Variants in GLIS3 observed in about 807,000 individuals in gnomAD.
GLIS3 encodes GLIS family zinc finger 3.
In GLIS3, 53 loss-of-function variants were observed where a neutral mutation model predicts 78.6. That is an observed-to-expected ratio of 0.67 (90% CI 0.54 to 0.85). The LOEUF (loss-of-function observed/expected upper bound fraction) is 0.85, where lower values mean the gene tolerates loss of function less well. Among genes scored for constraint, GLIS3 ranks in the 40% least tolerant of loss-of-function variants. The pLI is 0.00. For missense variants in GLIS3, 1,703 were observed against 1,231.1 expected (o/e 1.38, Z -5.74); for synonymous variants, 684 against 509.9 (o/e 1.34, Z -4.60).
intron 2 of GLIS3, among the ~76,000 whole-genome samples, chr9:4,273,881 G>A (rs934165058): frequency 2.0e-5 from 3 of 152,130 alleles, no homozygotes; most frequent in East Asian, 1.9e-4. Flanking sequence ...CTGGTTTTTG[G>A]CCTTCTTGTC....
At chr9:4,423,776 T>C in the GLIS3 span, among the ~76,000 whole-genome samples, 9,802 of 152,250 alleles carry the variant, frequency 0.064, 565 homozygotes, top group East Asian at 0.3. Flanking sequence ...TTTCCTGGTA[T>C]TTCTAGACCT....
At chr9:4,034,363 A>G (rs557372921) in intron 4 of GLIS3, among the ~76,000 whole-genome samples, 1 of 152,210 alleles carries the variant, frequency 6.6e-6, no homozygotes, top group Non-Finnish European at 1.5e-5. Context: ...TTATATTTTC[A>G]ATTAAACCAG....
At chr9:4,136,756 G>C (rs1207311280) in intron 2 of GLIS3, among the ~76,000 whole-genome samples, 1 of 152,194 alleles carries the variant, frequency 6.6e-6, no homozygotes, top group Non-Finnish European at 1.5e-5. Context: ...GCCTACAAGA[G>C]GAGAAAGGGA....
At chr9:4,286,802 C>G (rs1204788227) in intron 1 of GLIS3, among the ~76,000 whole-genome samples, 1 of 152,156 alleles carries the variant, frequency 6.6e-6, no homozygotes, top group African/African-American at 2.4e-5. Flanking sequence ...TCTACTGGTG[C>G]CAGCTTGCAA....
At chr9:4,144,390 C>T (rs10974346) in intron 2 of GLIS3, among the ~76,000 whole-genome samples, 55,094 of 151,456 alleles carry the variant, frequency 0.36, 10,347 homozygotes, top group South Asian at 0.44. Flanking sequence ...GAAGAGAGGG[C>T]GAGGGAAAAA....
intron 4 of GLIS3, among the ~76,000 whole-genome samples, chr9:4,045,300 C>A (rs1825150388): frequency 6.6e-6 from 1 of 152,010 alleles, no homozygotes; most frequent in Admixed American, 6.6e-5. Context: ...TAAAAAGCTG[C>A]AGGAAGATGA....
chr9:3,880,807 A>G (rs921332380), intron 7 of GLIS3, among the ~76,000 whole-genome samples: 1 of 152,244 alleles, frequency 6.6e-6, no homozygotes, highest in Non-Finnish European at 1.5e-5. Flanking sequence ...GTGAAGAGGC[A>G]GAATTACCAT....
At chr9:4,158,482 T>C (rs573549756) in intron 2 of GLIS3, among the ~76,000 whole-genome samples, 5 of 152,320 alleles carry the variant, frequency 3.3e-5, no homozygotes, top group African/African-American at 1.2e-4. Context: ...GCAGAAGTAG[T>C]GCCTTCAGCT....
intron 2 of GLIS3, among the ~76,000 whole-genome samples, chr9:4,313,619 C>G (rs12554767): frequency 0.064 from 9,668 of 152,252 alleles, 394 homozygotes; most frequent in Admixed American, 0.11. Context: ...CTGGCAGTAT[C>G]CCCTGCCCAA....
intron 2 of GLIS3, among the ~76,000 whole-genome samples, chr9:4,312,234 A>G (rs1453647513): frequency 6.6e-6 from 1 of 152,206 alleles, no homozygotes; most frequent in South Asian, 2.1e-4. Context: ...TTGGGAGGCC[A>G]AGGCTGGCGG....
chr9:4,426,360 C>T, the GLIS3 span, among the ~76,000 whole-genome samples: 1 of 152,216 alleles, frequency 6.6e-6, no homozygotes, highest in Non-Finnish European at 1.5e-5. Context: ...ACTTAAGTCC[C>T]AACCAACTCT....
At chr9:4,052,263 T>C (rs1248688365) in intron 4 of GLIS3, among the ~76,000 whole-genome samples, 4 of 152,218 alleles carry the variant, frequency 2.6e-5, no homozygotes, top group Non-Finnish European at 4.4e-5. Flanking sequence ...ATTTTTCAAG[T>C]ATATATAAAT....
chr9:4,235,843 G>C (rs1006290837), intron 2 of GLIS3, among the ~76,000 whole-genome samples: 3 of 152,108 alleles, frequency 2.0e-5, no homozygotes, highest in African/African-American at 7.2e-5. Context: ...CCAAAAGAAA[G>C]AAACACAGGA....
intron 4 of GLIS3, among the ~76,000 whole-genome samples, chr9:4,093,835 G>C (rs756745788): frequency 2.0e-5 from 3 of 151,972 alleles, no homozygotes; most frequent in Non-Finnish European, 2.9e-5. Context: ...GTATTCTTTG[G>C]CTATGACAAG....
At chr9:4,142,785 T>G (rs1833908061) in intron 2 of GLIS3, among the ~76,000 whole-genome samples, 1 of 152,162 alleles carries the variant, frequency 6.6e-6, no homozygotes, top group Non-Finnish European at 1.5e-5. Flanking sequence ...TCATACTAAC[T>G]CCAAATTCTC....
At chr9:4,317,234 T>C (rs1472723751) in intron 2 of GLIS3, among the ~76,000 whole-genome samples, 1 of 152,230 alleles carries the variant, frequency 6.6e-6, no homozygotes, top group African/African-American at 2.4e-5. Flanking sequence ...CAAGTTCTCT[T>C]GTACTTAGCC....
At chr9:4,439,278 TCA>T in the GLIS3 span, among the ~76,000 whole-genome samples, 2 of 152,256 alleles carry the variant, frequency 1.3e-5, no homozygotes, top group African/African-American at 4.8e-5. Context: ...ATCATACAAT[TCA>T]CACACTTAAA....
intron 9 of GLIS3, among the ~76,000 whole-genome samples, chr9:3,854,600 G>A (rs1460874472): frequency 1.3e-5 from 2 of 151,292 alleles, no homozygotes; most frequent in Non-Finnish European, 2.9e-5. Context: ...ACAGTGACGC[G>A]ATCTTGGCTC....
chr9:4,279,322 T>TACACACAC (rs1363480768), intron 2 of GLIS3, among the ~76,000 whole-genome samples: 2 of 51,952 alleles, frequency 3.8e-5, no homozygotes, highest in African/African-American at 1.6e-4. Flanking sequence ...AAAATATATA[T>TACACACAC]ATACACACAC....
Sources: gnomAD v4.1 joint callset for allele counts (sites outside exome capture counted in the v4.1 genomes callset) on GRCh38, gnomAD v4.1.1 for gene constraint, MANE v1.5 for transcripts, NCBI Gene and HGNC (gene_info 2026-07-23, HGNC 2026-07-21) for gene names.